Variants in LRMDA observed in about 807,000 individuals in gnomAD.
LRMDA encodes the protein leucine-rich melanocyte differentiation-associated protein.
A neutral mutation model predicts 29.8 loss-of-function variants in LRMDA; 18 were observed. The observed-to-expected ratio is 0.60, with a 90% CI of 0.42 to 0.90. The LOEUF is 0.90. Among genes scored for constraint, LRMDA ranks in the 40% least tolerant of loss-of-function variants. The pLI, the probability that LRMDA is intolerant of heterozygous loss-of-function variation, is 0.00. For missense variants in LRMDA, 273 were observed against 273.9 expected, an observed-to-expected ratio of 1.00 and a Z score of 0.02; for synonymous variants, 125 against 109.4, an observed-to-expected ratio of 1.14 and a Z score of -0.89.
At chr10:75,832,152 C>A (rs1844356775) in intron 2 of LRMDA, among the ~76,000 whole-genome samples, 1 of 152,194 alleles carries the variant, frequency 6.6e-6, no homozygotes, top group Non-Finnish European at 1.5e-5. Flanking sequence ...CATCATCAGG[C>A]TACAAATTTT....
At chr10:75,566,200 C>G in intron 2 of LRMDA, among the ~76,000 whole-genome samples, 1 of 152,272 alleles carries the variant, frequency 6.6e-6, no homozygotes, top group East Asian at 1.9e-4. Flanking sequence ...ATTCTTGATT[C>G]CCACAGCACT....
rs192164994 is a variant in LRMDA, at chr10:76,213,678, A to G, written c.517-110723A>G. Among the ~76,000 whole-genome samples, 262 of 152,340 alleles carry G rather than the reference A, an allele frequency of 1.7e-3. 1 individual carries two copies. The highest frequency in any genetic ancestry group is 5.7e-3 in the African/African-American group (238 of 41,572). ...TGCAAATGCACATTCTTGAAATAAT[A>G]TATTCGTAAAGTTTCATAAATTATT... On this transcript the variant is annotated intron_variant, in intron 5 of 6. Coordinates refer to ENST00000611255, the MANE Select transcript of LRMDA (RefSeq NM_001305581.2).
intron 2 of LRMDA, among the ~76,000 whole-genome samples, chr10:75,722,125 C>T (rs1842575608): frequency 6.6e-6 from 1 of 152,072 alleles, no homozygotes; most frequent in Non-Finnish European, 1.5e-5. Flanking sequence ...TCTTTGAACT[C>T]CTCGTAACAA....
chr10:75,728,850 CTG>C (rs1842661861), intron 2 of LRMDA, among the ~76,000 whole-genome samples: 1 of 151,204 alleles, frequency 6.6e-6, no homozygotes, highest in Admixed American at 6.6e-5. Flanking sequence ...ATAAGTTGGT[CTG>C]TGTGTGTGTG....
At chr10:75,473,235 G>GT (rs1321003625) in intron 2 of LRMDA, among the ~76,000 whole-genome samples, 1 of 152,236 alleles carries the variant, frequency 6.6e-6, no homozygotes, top group African/African-American at 2.4e-5. Flanking sequence ...GTATACCAAA[G>GT]TGGGGGGAAA....
At chr10:75,983,114 A>C (rs1438804095) in intron 2 of LRMDA, among the ~76,000 whole-genome samples, 1 of 152,092 alleles carries the variant, frequency 6.6e-6, no homozygotes, top group Non-Finnish European at 1.5e-5. Context: ...ACTTGAAGGC[A>C]GGGGGGAGCT....
intron 2 of LRMDA, among the ~76,000 whole-genome samples, chr10:75,803,371 T>C (rs1843790725): frequency 6.6e-6 from 1 of 152,234 alleles, no homozygotes; most frequent in Admixed American, 6.5e-5. Flanking sequence ...CATAGTATCA[T>C]TCGGCCTTTT....
rs1369791415 is a variant in LRMDA at position 75,928,295 on chromosome 10, T to TC, written c.132-107713_132-107712insC. ...TTATTTTTTAGTTTTGGGTTTTTTTTTTTACACTTTGAGAAGATTGCTACA... is the reference window on the plus strand; with the variant it reads ...TTATTTTTTAGTTTTGGGTTTTTTTTCTTTACACTTTGAGAAGATTGCTACA... On this transcript the variant is annotated intron_variant, in intron 2 of 6. Transcript: ENST00000611255. 2.7e-5 allele frequency among the ~76,000 whole-genome samples: 4 copies of TC among 150,634 alleles called. No homozygotes were observed. In the East Asian group the frequency reaches 7.8e-4, roughly 29 times the overall value.
At chr10:75,782,180 C>A (rs1365535204) in intron 2 of LRMDA, among the ~76,000 whole-genome samples, 1 of 152,088 alleles carries the variant, frequency 6.6e-6, no homozygotes, top group Non-Finnish European at 1.5e-5. Context: ...TCACAAATAG[C>A]CTTCCTTAAT....
At chr10:75,980,368 G>A (rs572847679) in intron 2 of LRMDA, among the ~76,000 whole-genome samples, 1 of 152,348 alleles carries the variant, frequency 6.6e-6, no homozygotes, top group South Asian at 2.1e-4. Context: ...GGCAGATGGA[G>A]AGCACGCAGT....
chr10:75,624,864 C>G (rs1312578583), intron 2 of LRMDA, among the ~76,000 whole-genome samples: 1 of 152,148 alleles, frequency 6.6e-6, no homozygotes, highest in African/African-American at 2.4e-5. Context: ...TATTTCTAGT[C>G]AGAGGATCAT....
intron 5 of LRMDA, among the ~76,000 whole-genome samples, chr10:76,256,553 A>G (rs568626996): frequency 6.6e-6 from 1 of 152,234 alleles, no homozygotes; most frequent in Non-Finnish European, 1.5e-5. Context: ...TTTTAAAACA[A>G]TAATAAAACC....
At chr10:76,387,775 A>T (rs1841677896) in intron 6 of LRMDA, among the ~76,000 whole-genome samples, 1 of 152,242 alleles carries the variant, frequency 6.6e-6, no homozygotes, top group Non-Finnish European at 1.5e-5. Flanking sequence ...TTAAAAGAGT[A>T]CCATGAGATT....
chr10:76,192,165 G>T (rs1160535554), intron 5 of LRMDA, among the ~76,000 whole-genome samples: 2 of 152,108 alleles, frequency 1.3e-5, no homozygotes, highest in Non-Finnish European at 2.9e-5. Flanking sequence ...TGCTTCCTTG[G>T]TTCTTAGATT....
intron 5 of LRMDA, among the ~76,000 whole-genome samples, chr10:76,144,372 C>T (rs1850268828): frequency 1.3e-5 from 2 of 152,118 alleles, no homozygotes; most frequent in Admixed American, 1.3e-4. Context: ...TTTCCTTGAG[C>T]AGTGGTTTGT....
intron 6 of LRMDA, among the ~76,000 whole-genome samples, chr10:76,520,193 T>C (rs1271587482): frequency 2.0e-5 from 3 of 152,094 alleles, no homozygotes; most frequent in Admixed American, 6.5e-5. Context: ...ATATCAACTT[T>C]ATCATAGTAT....
chr10:75,699,923 A>G (rs1237030012), intron 2 of LRMDA, among the ~76,000 whole-genome samples: 1 of 152,136 alleles, frequency 6.6e-6, no homozygotes, highest in African/African-American at 2.4e-5. Context: ...GTGACCATGG[A>G]GGCAGAAATT....
intron 2 of LRMDA, among the ~76,000 whole-genome samples, chr10:75,808,068 C>G (rs1843889816): frequency 6.6e-6 from 1 of 152,162 alleles, no homozygotes; most frequent in South Asian, 2.1e-4. Flanking sequence ...TCACCTTTGT[C>G]TTGGGGAATT....
At chr10:75,720,801 T>G (rs773552215) in intron 2 of LRMDA, among the ~76,000 whole-genome samples, 10 of 152,216 alleles carry the variant, frequency 6.6e-5, no homozygotes, top group African/African-American at 2.4e-4. Context: ...TGTGTAGACC[T>G]CTGACAATGC....
Sources: gnomAD v4.1 joint callset for allele counts (sites outside exome capture counted in the v4.1 genomes callset) on GRCh38, gnomAD v4.1.1 for gene constraint, MANE v1.5 for transcripts, NCBI Gene and HGNC (gene_info 2026-07-23, HGNC 2026-07-21) for gene names.